GSDMC: variants seen among roughly 807,000 people sequenced by gnomAD.
The protein encoded by GSDMC is gasdermin-C.
A neutral mutation model predicts 58.0 loss-of-function variants in GSDMC; 59 were observed. The ratio of observed to expected loss-of-function variants is 1.02; its 90% CI spans 0.82 to 1.26. The LOEUF is 1.26. Ranked by LOEUF, GSDMC falls within the 50% of genes most tolerant of loss-of-function variation. The pLI, the probability that GSDMC is intolerant of heterozygous loss-of-function variation, is 0.00. For synonymous variants in GSDMC, 241 were observed against 220.2 expected (o/e 1.09, Z -0.83); for missense variants, 659 against 598.5 (o/e 1.10, Z -1.06).
rs755118406 is a variant in GSDMC at position 129,749,515 on chromosome 8, G to T, written c.1224C>A (p.Asp408Glu). 3.7e-6 allele frequency: 6 copies of T among 1,613,442 alleles called. No homozygotes were observed. The highest frequency in any genetic ancestry group is 4.2e-6 in the Non-Finnish European group (5 of 1,179,412). The change falls in exon 13 of 14, where the codon GAC becomes GAA. Residue 408 changes from aspartate (D) to glutamate (E), a missense_variant. Transcript: ENST00000276708. ...YLLEAIMVLSDFQHDLLACSM... is the reference protein window; with the variant it reads ...YLLEAIMVLSEFQHDLLACSM... The stretch of plus-strand genomic sequence containing the variant: ...AACAGGCCAGCAAATCGTGTTGGAA[G>T]TCACTCAGCACTGAGGGTGGGGGAC...
At chr8:129,750,365 G>A in intron 11 of GSDMC, 66 bp downstream of exon 11, 1 of 1,461,678 alleles carries the variant, frequency 6.8e-7, no homozygotes, top group Non-Finnish European at 9.3e-7. Context: ...TAACTTGGGA[G>A]TCATATCTCC....
intron 4 of GSDMC, among the ~76,000 whole-genome samples, chr8:129,764,417 A>G (rs1038207136): frequency 1.3e-5 from 2 of 152,180 alleles, no homozygotes; most frequent in African/African-American, 4.8e-5. Context: ...TAGAAAGGGT[A>G]GAGATGTGAT....
At chr8:129,743,078 T>A in the GSDMC span, among the ~76,000 whole-genome samples, 54 of 152,334 alleles carry the variant, frequency 3.5e-4, no homozygotes, top group African/African-American at 1.2e-3. Context: ...TTATTGTACA[T>A]CTTGGGATAG....
At chr8:129,762,998 T>C (rs1019644653) in intron 4 of GSDMC, among the ~76,000 whole-genome samples, 3 of 152,208 alleles carry the variant, frequency 2.0e-5, no homozygotes, top group African/African-American at 4.8e-5. Flanking sequence ...TTGAATTCGT[T>C]TTCCTTCTCT....
In GSDMC at chr8:129,748,402, C is replaced by A; in HGVS notation, c.*99G>T. On this transcript the variant is annotated 3_prime_UTR_variant, in exon 14 of 14. Transcript: ENST00000276708. ...ACTGTCTCTACTCCACCTGGAAACG[C>A]AGAGAGGCACAGCCCTATCTCTTGC... The A allele has an allele frequency of 3.2e-6, 4 of 1,232,178 alleles. No individual in the cohort carries two copies. In the South Asian group the frequency reaches 6.9e-5, roughly 21 times the overall value. The allele number at this position is 1,232,178 out of a possible 1,614,324, so 76.3% of individuals were successfully genotyped here.
chr8:129,751,717 C>T (rs1204900321), intron 9 of GSDMC, 145 bp downstream of exon 9: 7 of 1,123,950 alleles, frequency 6.2e-6, no homozygotes, highest in Non-Finnish European at 1.3e-6. Flanking sequence ...ATGTTCTCAG[C>T]TTTCTGGACC....
At chr8:129,759,912 C>T (rs2033590352) in intron 6 of GSDMC, among the ~76,000 whole-genome samples, 1 of 152,058 alleles carries the variant, frequency 6.6e-6, no homozygotes, top group South Asian at 2.1e-4. Context: ...GATTTAAGAA[C>T]AAACATTGCA....
chr8:129,749,360 C>T (rs879280245), intron 13 of GSDMC, 92 bp downstream of exon 13: 3 of 943,260 alleles, frequency 3.2e-6, no homozygotes, highest in Non-Finnish European at 5.1e-6. Flanking sequence ...CCAGCAAAAA[C>T]CTGTATCATC....
At chr8:129,726,023 A>G in the GSDMC span, among the ~76,000 whole-genome samples, 1 of 152,242 alleles carries the variant, frequency 6.6e-6, no homozygotes, top group African/African-American at 2.4e-5. Flanking sequence ...TTATTTAAAG[A>G]GAATATTCCT....
the GSDMC span, among the ~76,000 whole-genome samples, chr8:129,717,574 C>T: frequency 2.0e-5 from 3 of 151,946 alleles, no homozygotes; most frequent in African/African-American, 7.3e-5. Context: ...GAATTAATAT[C>T]GTGAAAATGG....
chr8:129,719,155 A>G, the GSDMC span, among the ~76,000 whole-genome samples: 1 of 152,230 alleles, frequency 6.6e-6, no homozygotes, highest in African/African-American at 2.4e-5. Context: ...CATGTTCTGC[A>G]CATGTATCCC....
chr8:129,729,300 T>A, the GSDMC span: 3 of 568,368 alleles, frequency 5.3e-6, no homozygotes, highest in East Asian at 4.0e-5. Flanking sequence ...TATAGGCACA[T>A]GAAATTTGTT....
At chr8:129,760,622 G>A (rs2130429689) in intron 5 of GSDMC, 33 bp from the exon 6 acceptor site, 1 of 919,130 alleles carries the variant, frequency 1.1e-6, no homozygotes, top group Middle Eastern at 2.5e-4. Flanking sequence ...CATTAGGAGA[G>A]TTGAGGTTAT....
At position 129,748,556 on chromosome 8, in the gene GSDMC, G is replaced by A. The variant is rs115019901; in HGVS notation, c.1472C>T (p.Pro491Leu). The change falls in exon 14 of 14, where the codon CCC becomes CTC. Residue 491 changes from proline (P) to leucine (L), a missense_variant. Physicochemically the swap from Pro to Leu is moderately conservative, Grantham distance 98 (BLOSUM62 -3). Transcript: ENST00000276708. ...GAGAGTCCCATAGAGGGCAGACAGG[G>A]GCATCTTTGCTTCTACATCCCAGGT... ...RSTWDVEAKM[P>L]LSALYGTLSL... is the part of the protein sequence containing the mutation. The A allele has an allele frequency of 5.8e-4, 931 of 1,613,678 alleles. 4 individuals carry two copies. In the East Asian group the frequency reaches 0.014, roughly 24 times the overall value.
the GSDMC span, among the ~76,000 whole-genome samples, chr8:129,732,090 G>A: frequency 6.6e-6 from 1 of 152,128 alleles, no homozygotes; most frequent in Non-Finnish European, 1.5e-5. Context: ...CCTTTAAGAG[G>A]TCACTGGGCC....
chr8:129,740,641 T>C, the GSDMC span, among the ~76,000 whole-genome samples: 1 of 152,202 alleles, frequency 6.6e-6, no homozygotes. Context: ...TAAGTACACT[T>C]TATGGTGTTC....
At chr8:129,743,822 T>C (rs974658189), downstream of GSDMC, among the ~76,000 whole-genome samples, 2 of 152,192 alleles carry the variant, frequency 1.3e-5, no homozygotes, top group South Asian at 4.1e-4. Flanking sequence ...TAAGACATGA[T>C]CCTTCTGGGA....
At chr8:129,709,947 G>A in the GSDMC span, among the ~76,000 whole-genome samples, 151 of 152,314 alleles carry the variant, frequency 9.9e-4, 2 homozygotes, top group Middle Eastern at 0.027. Flanking sequence ...CTCATCTAAG[G>A]TGGTCTTTCA....
At chr8:129,772,439 G>T (rs2034092893) in intron 3 of GSDMC, among the ~76,000 whole-genome samples, 1 of 151,858 alleles carries the variant, frequency 6.6e-6, no homozygotes. Context: ...GTTAAAAGGA[G>T]ACATTACAAA....
Sources: allele counts gnomAD v4.1 joint callset (sites outside exome capture counted in the v4.1 genomes callset), GRCh38; gene constraint gnomAD v4.1.1; transcripts MANE v1.5; gene names NCBI Gene and HGNC (gene_info 2026-07-23, HGNC 2026-07-21).